The following SPAG16 variants were observed in gnomAD, a reference collection of about 807,000 sequenced individuals.
The protein encoded by SPAG16 is sperm associated antigen 16.
A neutral mutation model predicts 80.4 loss-of-function variants in SPAG16; 86 were observed. The ratio of observed to expected loss-of-function variants is 1.07; its 90% CI spans 0.90 to 1.28. SPAG16 has a LOEUF of 1.28. Among genes scored for constraint, SPAG16 ranks in the 50% most tolerant of loss-of-function variants. The pLI is 0.00. For missense variants in SPAG16, 870 were observed against 765.3 expected, an observed-to-expected ratio of 1.14 and a Z score of -1.61; for synonymous variants, 294 against 265.9, an observed-to-expected ratio of 1.11 and a Z score of -1.03.
intron 15 of SPAG16, chr2:214,238,764 A>AGCATAG (rs1689250803): frequency 1.3e-5 from 2 of 151,770 alleles, no homozygotes; most frequent in South Asian, 4.2e-4. Flanking sequence ...GAAGCTCATA[A>AGCATAG]GCATAGCTAC....
At chr2:213,457,250 C>A (rs2072076205) in intron 9 of SPAG16, among the ~76,000 whole-genome samples, 1 of 152,122 alleles carries the variant, frequency 6.6e-6, no homozygotes, top group Admixed American at 6.6e-5. Context: ...TAGCATTCCT[C>A]TTTTCCAAGC....
chr2:213,531,997 A>T (rs879582908), intron 10 of SPAG16, among the ~76,000 whole-genome samples: 5 of 152,276 alleles, frequency 3.3e-5, no homozygotes, highest in Admixed American at 6.5e-5. Flanking sequence ...GAGCAATCCC[A>T]TTAGGGTTTT....
chr2:213,788,958 T>C (rs1370646754), intron 10 of SPAG16, among the ~76,000 whole-genome samples: 1 of 151,940 alleles, frequency 6.6e-6, no homozygotes, highest in Non-Finnish European at 1.5e-5. Flanking sequence ...CTCTCTGTTT[T>C]TATAGCATCA....
chr2:214,204,119 A>G (rs554876046), intron 15 of SPAG16, among the ~76,000 whole-genome samples: 43 of 152,262 alleles, frequency 2.8e-4, no homozygotes, highest in Admixed American at 1.2e-3. Context: ...CTCTGGGAAC[A>G]TGACTGCTTT....
intron 15 of SPAG16, among the ~76,000 whole-genome samples, chr2:214,316,572 C>A (rs886787191): frequency 3.9e-5 from 6 of 152,144 alleles, no homozygotes; most frequent in Non-Finnish European, 8.8e-5. Flanking sequence ...GTGAAGAAAT[C>A]TCCCCTCCCT....
At chr2:213,908,744 C>A (rs900239604) in intron 11 of SPAG16, among the ~76,000 whole-genome samples, 4 of 76,576 alleles carry the variant, frequency 5.2e-5, no homozygotes, top group Admixed American at 1.8e-4. Flanking sequence ...CAACCAAGAT[C>A]ATTCTTTTTT....
intron 10 of SPAG16, among the ~76,000 whole-genome samples, chr2:213,695,223 G>A (rs537308169): frequency 6.6e-6 from 1 of 152,064 alleles, no homozygotes; most frequent in East Asian, 1.9e-4. Context: ...CTCAAGCTCC[G>A]ACTGCAACTT....
chr2:213,515,594 C>T (rs558865415), intron 10 of SPAG16, among the ~76,000 whole-genome samples: 66 of 152,122 alleles, frequency 4.3e-4, no homozygotes, highest in African/African-American at 1.5e-3. Flanking sequence ...CCATTTGAAA[C>T]AGTTTGGTTC....
chr2:213,920,150 C>T (rs2078147132), intron 11 of SPAG16, among the ~76,000 whole-genome samples: 1 of 38,196 alleles, frequency 2.6e-5, no homozygotes, highest in South Asian at 2.9e-3. Context: ...TTTTCTCCAT[C>T]CTTTTATTTT....
intron 4 of SPAG16, among the ~76,000 whole-genome samples, chr2:213,310,570 A>T (rs2126116639): frequency 6.6e-6 from 1 of 152,080 alleles, no homozygotes; most frequent in African/African-American, 2.4e-5. Flanking sequence ...TATACTAAAC[A>T]GTCCTGCTTT....
chr2:213,731,115 T>A (rs2067010973), intron 10 of SPAG16, among the ~76,000 whole-genome samples: 2 of 151,790 alleles, frequency 1.3e-5, no homozygotes, highest in Admixed American at 1.3e-4. Flanking sequence ...TAATTTAAGT[T>A]CCCTGTCTGA....
chr2:213,756,576 A>C (rs575324705), intron 10 of SPAG16, among the ~76,000 whole-genome samples: 1 of 152,330 alleles, frequency 6.6e-6, no homozygotes, highest in South Asian at 2.1e-4. Context: ...GTAGCTGTAG[A>C]CTTTAACTTT....
intron 15 of SPAG16, among the ~76,000 whole-genome samples, chr2:214,353,667 T>C (rs527783406): frequency 6.6e-6 from 1 of 152,274 alleles, no homozygotes; most frequent in Non-Finnish European, 1.5e-5. Context: ...TGCCATTGCA[T>C]AAAGATATGA....
intron 10 of SPAG16, among the ~76,000 whole-genome samples, chr2:213,590,023 C>T (rs1293603243): frequency 6.6e-6 from 1 of 151,784 alleles, no homozygotes; most frequent in Non-Finnish European, 1.5e-5. Flanking sequence ...CCCTCCCATT[C>T]TTCTTCAGTT....
intron 5 of SPAG16, among the ~76,000 whole-genome samples, chr2:213,318,774 T>A (rs2063504986): frequency 1.3e-5 from 2 of 152,008 alleles, no homozygotes; most frequent in African/African-American, 4.8e-5. Context: ...GAGTAACTTT[T>A]AAATATAAAC....
intron 9 of SPAG16, among the ~76,000 whole-genome samples, chr2:213,379,914 T>C (rs1165396648): frequency 6.6e-6 from 1 of 151,946 alleles, no homozygotes; most frequent in Non-Finnish European, 1.5e-5. Flanking sequence ...AGAGGCTGAG[T>C]GGTGTCCACA....
intron 15 of SPAG16, among the ~76,000 whole-genome samples, chr2:214,168,699 G>A (rs1576401682): frequency 6.6e-6 from 1 of 152,064 alleles, no homozygotes; most frequent in East Asian, 1.9e-4. Context: ...AGTTCCAGGA[G>A]GCAGACCATT....
intron 9 of SPAG16, among the ~76,000 whole-genome samples, chr2:213,431,059 C>T (rs1426297920): frequency 6.6e-6 from 1 of 152,084 alleles, no homozygotes; most frequent in Non-Finnish European, 1.5e-5. Context: ...ACTAGAAATG[C>T]TCAAATGAGT....
Position 213,763,187 on chromosome 2 carries a change from A to C in SPAG16, c.1071-99298A>C, listed in dbSNP as rs574238399. On this transcript the variant is annotated intron_variant, in intron 10 of 15. Transcript: ENST00000331683. ...CCTTGAGTTGTGTTAGTGTGAATGT[A>C]AAATAGTGTAGCCTCAATGGAAAAC... Among the ~76,000 whole-genome samples, 9 of 152,008 alleles carry C rather than the reference A, an allele frequency of 5.9e-5. No homozygotes were observed. The South Asian group carries it at 1.9e-3, about 32-fold the overall frequency.
Sources: gnomAD v4.1 joint callset for allele counts (sites outside exome capture counted in the v4.1 genomes callset) on GRCh38, gnomAD v4.1.1 for gene constraint, MANE v1.5 for transcripts, NCBI Gene and HGNC (gene_info 2026-07-23, HGNC 2026-07-21) for gene names.